The following RFC5 variants were observed in gnomAD, a reference collection of about 807,000 sequenced individuals.
The protein encoded by RFC5 is replication factor C subunit 5, also known as A1 36 kDa subunit.
RFC5 carries 26 observed loss-of-function variants against 44.3 expected under a neutral mutation model. That is an observed-to-expected ratio of 0.59 (90% CI 0.43 to 0.81). The LOEUF is 0.81. Ranked by LOEUF, RFC5 falls within the 40% of genes least tolerant of loss-of-function variation. The pLI is 0.00. For synonymous variants in RFC5, 155 were observed against 155.2 expected (o/e 1.00, Z 0.01); for missense variants, 328 against 418.6 (o/e 0.78, Z 1.89).
intron 7 of RFC5, 113 bp downstream of exon 7, chr12:118,025,941 TG>T (rs2137723535): frequency 1.5e-6 from 1 of 659,138 alleles, no homozygotes; most frequent in South Asian, 1.7e-5. Context: ...CTCCGCCTCC[TG>T]GGTTCAAGCG....
intron 3 of RFC5, 23 bp from the exon 4 acceptor site, chr12:118,020,883 T>G: frequency 6.4e-7 from 1 of 1,552,388 alleles, no homozygotes; most frequent in Non-Finnish European, 8.9e-7. Context: ...GTTTTTGTTT[T>G]GTCTTCTGTC....
chr12:118,022,226 G>A (rs2030550002), intron 4 of RFC5, 60 bp from the exon 5 acceptor site: 31 of 1,328,664 alleles, frequency 2.3e-5, no homozygotes, highest in South Asian at 2.2e-4. Flanking sequence ...ATATAGGTTT[G>A]AGCCCAGATG....
rs1037165739 is a variant in RFC5, at chr12:118,024,739, G to T, written c.422-112G>T. 17 of 860,646 alleles carry T rather than the reference G, an allele frequency of 2.0e-5. No homozygotes were observed. In the South Asian group the frequency reaches 2.8e-4, roughly 14 times the overall value. 53.3% of individuals were successfully genotyped at this position (860,646 alleles called of 1,614,324 possible). A position where few individuals can be genotyped will look rare whatever the true frequency, so the allele number is the denominator to read the frequency against. ...CGGCCAACATCCTCACTTGTTTGCA[G>T]TATTGAATCTTTTCCTATACCCTTG... On this transcript the variant is annotated intron_variant, in intron 5 of 10. Coordinates refer to ENST00000454402, the MANE Select transcript of RFC5 (RefSeq NM_007370.7).
the RFC5 span, chr12:118,038,450 G>T: frequency 6.7e-7 from 1 of 1,503,720 alleles, no homozygotes; most frequent in South Asian, 1.2e-5. Context: ...ACTGGAGAAC[G>T]GGAGAACTGG....
chr12:118,034,013 T>C, downstream of RFC5: 2 of 788,398 alleles, frequency 2.5e-6, no homozygotes, highest in Non-Finnish European at 4.0e-6. Flanking sequence ...AGACTGACTT[T>C]CACATGCCAG....
downstream of RFC5, chr12:118,036,298 T>TC (rs1566135638): frequency 3.8e-6 from 6 of 1,592,948 alleles, no homozygotes; most frequent in South Asian, 3.4e-5. Flanking sequence ...TCCTCATCAG[T>TC]CCCCCCACAA....
the RFC5 span, among the ~76,000 whole-genome samples, chr12:118,038,869 CAG>C: frequency 6.6e-6 from 1 of 152,112 alleles, no homozygotes; most frequent in African/African-American, 2.4e-5. Flanking sequence ...TTAGTAGAGA[CAG>C]GGTTTCACCA....
intron 10 of RFC5, among the ~76,000 whole-genome samples, chr12:118,030,884 G>A (rs2031273708): frequency 6.6e-6 from 1 of 152,112 alleles, no homozygotes; most frequent in Non-Finnish European, 1.5e-5. Flanking sequence ...TGATTGGCCC[G>A]CCTCCCAAAG....
rs5745812 is a variant in RFC5 at position 118,019,568 on chromosome 12, A to G, written c.131-64A>G. ...TGAAGAGCTTTCAGCCCAACTCAGG[A>G]GCCCAGGGTGAATGAGGCAGCTCCC... On this transcript the variant is annotated intron_variant, in intron 2 of 10. Transcript: ENST00000454402. This position sits in a 1 kb window ranked among gnomAD's most constrained non-coding sequence, Gnocchi z 4.2. 9,194 of 1,593,800 alleles carry G rather than the reference A, an allele frequency of 5.8e-3. 465 individuals are homozygous for G. In the African/African-American group the frequency reaches 0.11, roughly 19 times the overall value.
At chr12:118,037,667 TAAAA>T (rs752087366), downstream of RFC5, among the ~76,000 whole-genome samples, 1 of 123,566 alleles carries the variant, frequency 8.1e-6, no homozygotes. Context: ...AAACTCTGTC[TAAAA>T]AAAAAAAAAA....
the RFC5 span, among the ~76,000 whole-genome samples, chr12:118,040,266 G>A: frequency 6.6e-6 from 1 of 152,124 alleles, no homozygotes; most frequent in African/African-American, 2.4e-5. Context: ...CAGTGGGGCA[G>A]CGCCTGTCAG....
downstream of RFC5, among the ~76,000 whole-genome samples, chr12:118,037,438 G>A (rs2031537593): frequency 6.6e-6 from 1 of 152,082 alleles, no homozygotes; most frequent in Non-Finnish European, 1.5e-5. Flanking sequence ...AGGCCCAGGC[G>A]GGCGGATCAC....
At chr12:118,036,242 C>T (rs757015369), downstream of RFC5, 14 of 1,407,308 alleles carry the variant, frequency 9.9e-6, no homozygotes, top group Non-Finnish European at 1.4e-5. Context: ...CTTGTCCCCT[C>T]CCATGTCCCA....
At chr12:118,026,849 C>T (rs1176815308) in intron 7 of RFC5, 40 bp from the exon 8 acceptor site, 2 of 1,594,044 alleles carry the variant, frequency 1.3e-6, no homozygotes, top group Non-Finnish European at 8.6e-7. Flanking sequence ...GCAGCTGTGA[C>T]AGCCACTGTG....
chr12:118,031,151 T>G lies in RFC5; in HGVS notation c.927-31T>G, dbSNP rs751269483. Reference sequence around the variant, plus strand: ...GAAAAGGCAGCTGTGTTTGGTGTCTTTTTTCTTACCCTGTGTTTGGTTTCT... The same window carrying G: ...GAAAAGGCAGCTGTGTTTGGTGTCTGTTTTCTTACCCTGTGTTTGGTTTCT... On this transcript the variant is annotated intron_variant, in intron 10 of 10. Transcript: ENST00000454402. The G allele has an allele frequency of 3.2e-6, 5 of 1,540,666 alleles. No individual in the cohort carries two copies. In the South Asian group the frequency reaches 5.6e-5, roughly 17 times the overall value.
intron 7 of RFC5, among the ~76,000 whole-genome samples, chr12:118,026,583 A>G (rs1452492369): frequency 6.6e-6 from 1 of 152,230 alleles, no homozygotes; most frequent in African/African-American, 2.4e-5. Flanking sequence ...TGAGCAACAG[A>G]GCAAGACCCT....
downstream of RFC5, chr12:118,032,426 G>C (rs1022530147): frequency 1.3e-5 from 2 of 152,052 alleles, no homozygotes; most frequent in African/African-American, 4.8e-5. Context: ...TGTAAACGTT[G>C]GCCAATCCAT....
chr12:118,025,083 T>C, intron 6 of RFC5, 73 bp downstream of exon 6: 4 of 1,462,622 alleles, frequency 2.7e-6, no homozygotes, highest in African/African-American at 2.8e-5. Context: ...CTGGTTCGTA[T>C]GTAGAGGAGA....
intron 9 of RFC5, among the ~76,000 whole-genome samples, chr12:118,028,320 C>T (rs994712937): frequency 1.3e-5 from 2 of 151,966 alleles, no homozygotes; most frequent in Non-Finnish European, 2.9e-5. Flanking sequence ...CCCGTCTCTA[C>T]TAAAAATACA....
Sources: gnomAD v4.1 joint callset for allele counts (sites outside exome capture counted in the v4.1 genomes callset) on GRCh38, gnomAD v4.1.1 for gene constraint, Gnocchi (gnomAD v3.1) non-coding constraint, MANE v1.5 for transcripts, NCBI Gene and HGNC (gene_info 2026-07-23, HGNC 2026-07-21) for gene names.